PLEKHA7: variants seen among roughly 807,000 people sequenced by gnomAD.
PLEKHA7 encodes pleckstrin homology domain-containing family A member 7.
A neutral mutation model predicts 170.0 loss-of-function variants in PLEKHA7; 104 were observed. The ratio of observed to expected loss-of-function variants is 0.61; its 90% CI spans 0.52 to 0.72. PLEKHA7 has a LOEUF of 0.72. Ranked by LOEUF, PLEKHA7 falls within the 30% of genes least tolerant of loss-of-function variation. The pLI is 0.00. For missense variants in PLEKHA7, 1,615 were observed against 1,671.7 expected, an observed-to-expected ratio of 0.97 and a Z score of 0.59; for synonymous variants, 648 against 660.8, an observed-to-expected ratio of 0.98 and a Z score of 0.30.
At chr11:16,810,011 TG>T (rs1849255454) in intron 13 of PLEKHA7, among the ~76,000 whole-genome samples, 2 of 152,192 alleles carry the variant, frequency 1.3e-5, no homozygotes, top group Non-Finnish European at 2.9e-5. Flanking sequence ...GAAGTGAATC[TG>T]GGCTTGCAGG....
chr11:16,789,307 G>A lies in PLEKHA7; in HGVS notation c.3157-11C>T, dbSNP rs375723518. ...GGCACTCTTAGGTCTCTGAGGAAGAGGAGGCAGGCAAGAGAGACACAGAAC... is the reference window on the plus strand; with the variant it reads ...GGCACTCTTAGGTCTCTGAGGAAGAAGAGGCAGGCAAGAGAGACACAGAAC... On this transcript the variant is annotated splice_polypyrimidine_tract_variant and intron_variant, in intron 22 of 26. Coordinates refer to ENST00000531066, the MANE Select transcript of PLEKHA7 (RefSeq NM_001329630.2). This position sits in a 1 kb window ranked among gnomAD's most constrained non-coding sequence, Gnocchi z 4.6. 5 of 1,612,126 alleles carry A rather than the reference G, an allele frequency of 3.1e-6. No homozygotes were observed. The highest frequency in any genetic ancestry group is 2.2e-5 in the East Asian group (1 of 44,882).
At chr11:16,961,173 T>C (rs1201806777) in intron 3 of PLEKHA7, among the ~76,000 whole-genome samples, 3 of 152,218 alleles carry the variant, frequency 2.0e-5, no homozygotes, top group Non-Finnish European at 4.4e-5. Flanking sequence ...TCAGCGAAGT[T>C]TCCTCAGTGA....
intron 3 of PLEKHA7, among the ~76,000 whole-genome samples, chr11:16,957,592 G>C (rs550455575): frequency 6.6e-6 from 1 of 151,932 alleles, no homozygotes; most frequent in East Asian, 1.9e-4. Context: ...GAACTAGACA[G>C]AGATGATGGT....
chr11:16,882,242 T>G (rs1855769042), intron 3 of PLEKHA7, among the ~76,000 whole-genome samples: 1 of 152,212 alleles, frequency 6.6e-6, no homozygotes, highest in Non-Finnish European at 1.5e-5. Context: ...CGTATCCATC[T>G]TTTCCCTTTT....
intron 3 of PLEKHA7, among the ~76,000 whole-genome samples, chr11:16,947,819 G>A (rs1224554411): frequency 6.6e-6 from 1 of 151,214 alleles, no homozygotes; most frequent in African/African-American, 2.4e-5. Context: ...GGGAGGCTGA[G>A]GCACGAGAAT....
intron 6 of PLEKHA7, among the ~76,000 whole-genome samples, chr11:16,854,624 C>T (rs1216799667): frequency 6.6e-6 from 1 of 152,196 alleles, no homozygotes; most frequent in South Asian, 2.1e-4. Context: ...ACCCACACTG[C>T]GGCCTGGGCC....
chr11:16,780,891 G>A (rs970213482), intron 26 of PLEKHA7: 17 of 684,322 alleles, frequency 2.5e-5, no homozygotes, highest in Admixed American at 6.3e-5. Context: ...GGGGCTCAGC[G>A]CTAGGGAGGT....
At chr11:16,810,803 A>G (rs1345324447) in intron 13 of PLEKHA7, among the ~76,000 whole-genome samples, 1 of 152,216 alleles carries the variant, frequency 6.6e-6, no homozygotes, top group Non-Finnish European at 1.5e-5. Context: ...CACCATTTTA[A>G]GAGAGGATGT....
At chr11:16,883,559 G>GCC (rs761919401) in intron 3 of PLEKHA7, among the ~76,000 whole-genome samples, 12 of 152,114 alleles carry the variant, frequency 7.9e-5, no homozygotes, top group Non-Finnish European at 1.5e-4. Flanking sequence ...AACTTTAACT[G>GCC]CCCACCAGTC....
rs566795953 is a variant in PLEKHA7 at position 16,944,967 on chromosome 11, TC to T, written c.221+69021del. 1.9e-4 allele frequency among the ~76,000 whole-genome samples: 29 copies of T among 152,206 alleles called. 1 individual carries two copies. In the South Asian group the frequency reaches 5.6e-3, roughly 29 times the overall value. On this transcript the variant is annotated intron_variant, in intron 3 of 26. Coordinates refer to ENST00000531066, the MANE Select transcript of PLEKHA7 (RefSeq NM_001329630.2). ...AGGATCAGAGGAGTTCACTTTTTTT[TC>T]CCCCTTCACCCAGGCTCAAGTGCAG... is the stretch of plus-strand genomic sequence containing the variant.
intron 3 of PLEKHA7, among the ~76,000 whole-genome samples, chr11:16,888,174 G>A (rs1162447381): frequency 6.6e-6 from 1 of 151,850 alleles, no homozygotes; most frequent in Non-Finnish European, 1.5e-5. Flanking sequence ...TCCCCCTCTG[G>A]GAAGTGAGGA....
chr11:16,913,229 T>C (rs969085019), intron 3 of PLEKHA7, among the ~76,000 whole-genome samples: 13 of 152,318 alleles, frequency 8.5e-5, no homozygotes, highest in African/African-American at 3.1e-4. Context: ...AATTAGTCCC[T>C]GCTCCAGCCA....
intron 13 of PLEKHA7, among the ~76,000 whole-genome samples, chr11:16,810,319 T>A (rs1038480185): frequency 1.3e-5 from 2 of 152,216 alleles, no homozygotes; most frequent in African/African-American, 4.8e-5. Context: ...CTTGGAACCC[T>A]AAACCCAAGC....
At chr11:16,886,664 T>TCAC (rs1455675826) in intron 3 of PLEKHA7, among the ~76,000 whole-genome samples, 5 of 137,838 alleles carry the variant, frequency 3.6e-5, no homozygotes, top group African/African-American at 1.4e-4. Context: ...TGAGTGGAGA[T>TCAC]CACGCCACTG....
chr11:16,839,586 G>A (rs1443543594), intron 9 of PLEKHA7, among the ~76,000 whole-genome samples: 1 of 151,792 alleles, frequency 6.6e-6, no homozygotes, highest in East Asian at 1.9e-4. Context: ...AAAAAAGGAT[G>A]GTTTTGTCTG....
intron 3 of PLEKHA7, among the ~76,000 whole-genome samples, chr11:16,985,444 G>GATGTAGACACA (rs767358689): frequency 2.0e-4 from 30 of 151,650 alleles, no homozygotes; most frequent in Admixed American, 1.2e-3. Flanking sequence ...ATGTGAGAGA[G>GATGTAGACACA]ATGTAGACAC....
intron 13 of PLEKHA7, among the ~76,000 whole-genome samples, chr11:16,812,209 C>T (rs970845039): frequency 1.3e-5 from 2 of 152,236 alleles, no homozygotes; most frequent in African/African-American, 4.8e-5. Context: ...ATCAAAAGCC[C>T]TGATCTCCTT....
At chr11:16,891,253 A>G (rs1856592336) in intron 3 of PLEKHA7, among the ~76,000 whole-genome samples, 1 of 152,230 alleles carries the variant, frequency 6.6e-6, no homozygotes, top group African/African-American at 2.4e-5. Flanking sequence ...TGTGCAGCCA[A>G]GAGACCTCAT....
intron 3 of PLEKHA7, among the ~76,000 whole-genome samples, chr11:16,947,398 C>G (rs1408751312): frequency 1.3e-5 from 2 of 151,872 alleles, no homozygotes; most frequent in Non-Finnish European, 2.9e-5. Flanking sequence ...CGAGACCAGC[C>G]TGGCCAACAT....
Sources: gnomAD v4.1 joint callset for allele counts (sites outside exome capture counted in the v4.1 genomes callset) on GRCh38, gnomAD v4.1.1 for gene constraint, Gnocchi (gnomAD v3.1) non-coding constraint, MANE v1.5 for transcripts, NCBI Gene and HGNC (gene_info 2026-07-23, HGNC 2026-07-21) for gene names.